The following RAB8A variants were observed in gnomAD, a reference collection of about 807,000 sequenced individuals.
RAB8A encodes the protein ras-related protein Rab-8A.
RAB8A carries 5 observed loss-of-function variants against 29.2 expected under a neutral mutation model. That is an observed-to-expected ratio of 0.17 (90% CI 0.09 to 0.36). The LOEUF is 0.36. Ranked by LOEUF, RAB8A falls within the 10% of genes least tolerant of loss-of-function variation. The pLI is 1.00. For missense variants in RAB8A, 171 were observed against 272.2 expected, an observed-to-expected ratio of 0.63 and a Z score of 2.62; for synonymous variants, 108 against 99.9, an observed-to-expected ratio of 1.08 and a Z score of -0.49.
rs2090893888 is a variant in RAB8A at position 16,125,205 on chromosome 19, GGCT to G, written c.247-263_247-261del. ...GGCTTGTCAGCGAGTGCGTGGCAGG[GGCT>G]GGCCTGTGAGGCAGAAGGGTCACCT... is the stretch of plus-strand genomic sequence containing the variant. On this transcript the variant is annotated intron_variant, in intron 3 of 7. Transcript: ENST00000300935. This position sits in a 1 kb window ranked among gnomAD's most constrained non-coding sequence, Gnocchi z 5.0. 1.8e-6 allele frequency: 1 copy of G among 553,344 alleles called. No homozygotes were observed. Among genetic ancestry groups the G allele is most frequent in the African/African-American group, 1.9e-5 (1 of 52,948 alleles). The allele number at this position is 553,344 out of a possible 1,614,324, so 34.3% of individuals were successfully genotyped here. A position where few individuals can be genotyped will look rare whatever the true frequency, so the allele number is the denominator to read the frequency against.
intron 2 of RAB8A, among the ~76,000 whole-genome samples, chr19:16,119,804 T>A (rs1035827951): frequency 1.1e-5 from 1 of 94,772 alleles, no homozygotes; most frequent in Non-Finnish European, 2.3e-5. Context: ...AAATGACTGG[T>A]TTTTTTTTTT....
chr19:16,120,373 C>T (rs927186660), intron 2 of RAB8A, among the ~76,000 whole-genome samples: 3 of 145,660 alleles, frequency 2.1e-5, no homozygotes, highest in African/African-American at 7.7e-5. Flanking sequence ...AGTGCAGTGG[C>T]ATGATCTCAG....
At position 16,125,011 on chromosome 19, in the gene RAB8A, AGT is replaced by A; in HGVS notation, c.247-458_247-457del. The A allele has an allele frequency of 4.6e-6, 1 of 217,536 alleles. No homozygotes were observed. The highest frequency in any genetic ancestry group is 9.6e-6 in the Non-Finnish European group (1 of 104,482). The allele number at this position is 217,536 out of a possible 1,614,324, so 13.5% of individuals were successfully genotyped here. A position where few individuals can be genotyped will look rare whatever the true frequency, so the allele number is the denominator to read the frequency against. On this transcript the variant is annotated intron_variant, in intron 3 of 7. Coordinates refer to ENST00000300935, the MANE Select transcript of RAB8A (RefSeq NM_005370.5). The surrounding 1 kb of genome is among the most constrained non-coding windows in gnomAD (Gnocchi z 5.0). ...TGTCGGGTCAGGACTTCCTGGGCTC[AGT>A]TGTGCCTGGTAGGTGGCTCAGGCAG... is the stretch of plus-strand genomic sequence containing the variant.
In RAB8A at chr19:16,132,424, GC is replaced by G; in HGVS notation, c.*123del. On this transcript the variant is annotated 3_prime_UTR_variant, in exon 8 of 8. Transcript: ENST00000300935. This position sits in a 1 kb window ranked among gnomAD's most constrained non-coding sequence, Gnocchi z 5.6. The stretch of plus-strand genomic sequence containing the variant: ...GCCCCGCCCACGCCGCGGCCACCGG[GC>G]CCACGGCCACCAGAATGCAATTGAG... The G allele has an allele frequency of 3.6e-6, 3 of 842,506 alleles. No individual in the cohort carries two copies. The highest frequency in any genetic ancestry group is 5.6e-6 in the Non-Finnish European group (3 of 536,902). 52.2% of individuals were successfully genotyped at this position (842,506 alleles called of 1,614,324 possible).
Position 16,126,618 on chromosome 19 carries a change from G to C in RAB8A, c.325-819G>C, listed in dbSNP as rs868710941. 17 of 152,466 alleles carry C rather than the reference G, an allele frequency of 1.1e-4. 1 individual carries two copies. In the South Asian group the frequency reaches 1.2e-3, roughly 11 times the overall value. The allele number at this position is 152,466 out of a possible 1,614,324, so 9.4% of individuals were successfully genotyped here. The stretch of plus-strand genomic sequence containing the variant: ...TGAGGGCAGAGTTTGGGCAACATCA[G>C]ACAGGGTGGTGAAGTGCCTGCAGCT... On this transcript the variant is annotated intron_variant, in intron 4 of 7. Transcript: ENST00000300935.
intron 7 of RAB8A, among the ~76,000 whole-genome samples, chr19:16,131,280 A>G (rs1390122395): frequency 6.6e-6 from 1 of 152,150 alleles, no homozygotes; most frequent in Non-Finnish European, 1.5e-5. Flanking sequence ...GGGGTGGTAT[A>G]TAGCAGATGG....
chr19:16,121,661 C>A, intron 2 of RAB8A, 89 bp from the exon 3 acceptor site: 1 of 1,220,426 alleles, frequency 8.2e-7, no homozygotes, highest in Non-Finnish European at 1.2e-6. Flanking sequence ...GGTGAGAAAG[C>A]CAGGCATCCC....
intron 1 of RAB8A, among the ~76,000 whole-genome samples, chr19:16,115,435 C>G (rs1208544046): frequency 6.6e-6 from 1 of 152,152 alleles, no homozygotes; most frequent in Non-Finnish European, 1.5e-5. Flanking sequence ...TTCTCAGAAG[C>G]CCCATAGATC....
intron 3 of RAB8A, chr19:16,124,375 A>G (rs1003402695): frequency 6.6e-6 from 1 of 152,232 alleles, no homozygotes; most frequent in Non-Finnish European, 1.5e-5. Flanking sequence ...CTTATTCTGC[A>G]AACTTGGATG....
At chr19:16,128,758 A>T (rs1424485968) in intron 6 of RAB8A, among the ~76,000 whole-genome samples, 1 of 152,066 alleles carries the variant, frequency 6.6e-6, no homozygotes, top group Non-Finnish European at 1.5e-5. Context: ...CCAATACGTC[A>T]CTGCATTTCC....
rs2090936755 is a variant in RAB8A at position 16,133,165 on chromosome 19, T to C, written c.*861T>C. The C allele has an allele frequency of 6.6e-6, 1 of 152,292 alleles. No homozygotes were observed. The highest frequency in any genetic ancestry group is 2.1e-4 in the South Asian group (1 of 4,830). 9.4% of individuals were successfully genotyped at this position (152,292 alleles called of 1,614,324 possible). A position where few individuals can be genotyped will look rare whatever the true frequency, so the allele number is the denominator to read the frequency against. Reference sequence around the variant, plus strand: ...CTATCTCCAAATCGGACGTTCTTTCTAGCTGAGATTTTTATTTTTCCACAT... The same window carrying C: ...CTATCTCCAAATCGGACGTTCTTTCCAGCTGAGATTTTTATTTTTCCACAT... On this transcript the variant is annotated 3_prime_UTR_variant, in exon 8 of 8. Coordinates refer to ENST00000300935, the MANE Select transcript of RAB8A (RefSeq NM_005370.5).
At chr19:16,121,624 CAGA>C (rs2090875677) in intron 2 of RAB8A, 123 bp from the exon 3 acceptor site, 3 of 794,242 alleles carry the variant, frequency 3.8e-6, no homozygotes, top group Non-Finnish European at 6.4e-6. Flanking sequence ...GCTGCCTTAG[CAGA>C]AGAAGGTATC....
chr19:16,125,649 C>A lies in RAB8A; in HGVS notation c.324+102C>A. The A allele has an allele frequency of 1.9e-6, 2 of 1,075,468 alleles. No individual in the cohort carries two copies. The highest frequency in any genetic ancestry group is 2.8e-6 in the Non-Finnish European group (2 of 713,244). The allele number at this position is 1,075,468 out of a possible 1,614,324, so 66.6% of individuals were successfully genotyped here. A position where few individuals can be genotyped will look rare whatever the true frequency, so the allele number is the denominator to read the frequency against. ...CCAAGGTGCAGAGACACATACAGGCCACTTGCCCACAGCCTCCTAGTCAGG... is the reference window on the plus strand; with the variant it reads ...CCAAGGTGCAGAGACACATACAGGCAACTTGCCCACAGCCTCCTAGTCAGG... On this transcript the variant is annotated intron_variant, in intron 4 of 7. Coordinates refer to ENST00000300935, the MANE Select transcript of RAB8A (RefSeq NM_005370.5). The surrounding 1 kb of genome is among the most constrained non-coding windows in gnomAD (Gnocchi z 5.0).
chr19:16,132,422 G>A lies in RAB8A; in HGVS notation c.*118G>A, dbSNP rs540517596. On this transcript the variant is annotated 3_prime_UTR_variant, in exon 8 of 8. Transcript: ENST00000300935. The surrounding 1 kb of genome is among the most constrained non-coding windows in gnomAD (Gnocchi z 5.6). ...ACGCCCCGCCCACGCCGCGGCCACC[G>A]GGCCCACGGCCACCAGAATGCAATT... 1.3e-4 allele frequency: 115 copies of A among 872,778 alleles called. No individual in the cohort carries two copies. The highest frequency in any genetic ancestry group is 9.9e-4 in the Middle Eastern group (3 of 3,030). The allele number at this position is 872,778 out of a possible 1,614,324, so 54.1% of individuals were successfully genotyped here. A position where few individuals can be genotyped will look rare whatever the true frequency, so the allele number is the denominator to read the frequency against.
At chr19:16,129,478 C>A in intron 6 of RAB8A, 76 bp from the exon 7 acceptor site, 1 of 1,464,954 alleles carries the variant, frequency 6.8e-7, no homozygotes, top group South Asian at 1.1e-5. Flanking sequence ...GCTGTCTCAC[C>A]ACACCCGCTG....
At chr19:16,129,492 A>T in intron 6 of RAB8A, 62 bp from the exon 7 acceptor site, 1 of 1,535,544 alleles carries the variant, frequency 6.5e-7, no homozygotes, top group Non-Finnish European at 9.0e-7. Flanking sequence ...CCCGCTGTAC[A>T]CGGGCGGCTG....
chr19:16,114,551 A>ATTT (rs758614217), intron 1 of RAB8A, among the ~76,000 whole-genome samples: 253 of 117,740 alleles, frequency 2.1e-3, no homozygotes, highest in African/African-American at 5.9e-3. Context: ...TAATTTTTGT[A>ATTT]TTTTTTTTTT....
chr19:16,120,589 G>T (rs948731771), intron 2 of RAB8A, among the ~76,000 whole-genome samples: 11 of 149,348 alleles, frequency 7.4e-5, no homozygotes, highest in African/African-American at 2.7e-4. Context: ...GAGATTACGG[G>T]AGTGAGCCAA....
chr19:16,131,420 GGATA>G (rs1427173559), intron 7 of RAB8A, among the ~76,000 whole-genome samples: 1 of 152,122 alleles, frequency 6.6e-6, no homozygotes, highest in African/African-American at 2.4e-5. Flanking sequence ...GGAGATGGTT[GGATA>G]GATAGATGAT....
Sources: gnomAD v4.1 joint callset for allele counts (sites outside exome capture counted in the v4.1 genomes callset) on GRCh38, gnomAD v4.1.1 for gene constraint, Gnocchi (gnomAD v3.1) non-coding constraint, MANE v1.5 for transcripts, NCBI Gene and HGNC (gene_info 2026-07-23, HGNC 2026-07-21) for gene names.